PDE10A: variants seen among roughly 807,000 people sequenced by gnomAD.
PDE10A encodes the protein cAMP and cAMP-inhibited cGMP 3',5'-cyclic phosphodiesterase 10A.
A neutral mutation model predicts 97.7 loss-of-function variants in PDE10A; 39 were observed. That is an observed-to-expected ratio of 0.40 (90% CI 0.31 to 0.52). The LOEUF is 0.52. Ranked by LOEUF, PDE10A falls within the 20% of genes least tolerant of loss-of-function variation. PDE10A has a pLI of 0.56. For missense variants in PDE10A, 731 were observed against 1,047.8 expected (o/e 0.70, Z 4.17); for synonymous variants, 371 against 376.8 (o/e 0.98, Z 0.18).
At chr6:165,640,154 A>G (rs1789065271) in intron 1 of PDE10A, among the ~76,000 whole-genome samples, 1 of 152,124 alleles carries the variant, frequency 6.6e-6, no homozygotes, top group South Asian at 2.1e-4. Flanking sequence ...CCATTAGGGT[A>G]TAGGAAATGC....
In PDE10A at chr6:165,661,380, G is replaced by A. The variant is rs1206799456; in HGVS notation, c.865+567C>T. The A allele has an allele frequency of 1.3e-5, 2 of 152,340 alleles. No homozygotes were observed. Among genetic ancestry groups the A allele is most frequent in the African/African-American group, 4.8e-5 (2 of 41,436 alleles). 9.4% of individuals were successfully genotyped at this position (152,340 alleles called of 1,614,324 possible). On this transcript the variant is annotated intron_variant, in intron 1 of 21. Coordinates refer to ENST00000539869, the MANE Select transcript of PDE10A (RefSeq NM_001385079.1). This position sits in a 1 kb window ranked among gnomAD's most constrained non-coding sequence, Gnocchi z 4.8. ...CACCCCGCCAGTCCATGCTCTGGAT[G>A]CCGGTCACTGCGCGGGGTGGGAGGC... is the stretch of plus-strand genomic sequence containing the variant.
intron 2 of PDE10A, among the ~76,000 whole-genome samples, chr6:165,484,891 CCCA>C: frequency 6.6e-6 from 1 of 152,168 alleles, no homozygotes; most frequent in Non-Finnish European, 1.5e-5. Flanking sequence ...TTTTGGGAAG[CCCA>C]CAAGCCAACC....
At chr6:165,861,866 C>G (rs1402003335) in intron 1 of PDE10A, among the ~76,000 whole-genome samples, 1 of 152,160 alleles carries the variant, frequency 6.6e-6, no homozygotes, top group Non-Finnish European at 1.5e-5. Flanking sequence ...CAGTTGCACA[C>G]CTCAAATAGA....
intron 3 of PDE10A, among the ~76,000 whole-genome samples, chr6:165,480,936 T>C (rs948272960): frequency 4.6e-5 from 7 of 152,232 alleles, no homozygotes; most frequent in Non-Finnish European, 7.3e-5. Flanking sequence ...CTCATACCTT[T>C]AGTATTTCTC....
intron 1 of PDE10A, among the ~76,000 whole-genome samples, chr6:165,681,987 G>A (rs1182141015): frequency 6.6e-6 from 1 of 152,188 alleles, no homozygotes; most frequent in African/African-American, 2.4e-5. Flanking sequence ...AAATTTTGTT[G>A]ACTATATTTC....
At chr6:165,719,468 A>G (rs1792109847) in intron 1 of PDE10A, among the ~76,000 whole-genome samples, 1 of 152,272 alleles carries the variant, frequency 6.6e-6, no homozygotes, top group African/African-American at 2.4e-5. Context: ...CAAATGAAAT[A>G]TGATTTTCAC....
chr6:165,954,616 C>T (rs894135330), intron 1 of PDE10A, among the ~76,000 whole-genome samples: 1 of 152,168 alleles, frequency 6.6e-6, no homozygotes, highest in African/African-American at 2.4e-5. Flanking sequence ...TCTCCGTCCT[C>T]CCTCCTCACC....
At chr6:165,670,307 C>A (rs1790611406) in intron 1 of PDE10A, among the ~76,000 whole-genome samples, 1 of 152,194 alleles carries the variant, frequency 6.6e-6, no homozygotes, top group Non-Finnish European at 1.5e-5. Context: ...CACCTCTTAA[C>A]ACGAGTCACA....
At chr6:165,339,485 C>A in intron 19 of PDE10A, 127 bp from the exon 20 acceptor site, 1 of 649,514 alleles carries the variant, frequency 1.5e-6, no homozygotes. Context: ...GGTTGTTAAC[C>A]CAAGAAAAGT....
intron 16 of PDE10A, among the ~76,000 whole-genome samples, chr6:165,389,048 G>C (rs1785496196): frequency 6.6e-6 from 1 of 152,192 alleles, no homozygotes. Flanking sequence ...AGAGCGGCAA[G>C]CGCAGTGTGG....
chr6:165,333,347 T>C (rs1386059779), intron 21 of PDE10A, among the ~76,000 whole-genome samples: 2 of 152,122 alleles, frequency 1.3e-5, no homozygotes, highest in East Asian at 3.9e-4. Context: ...CCTTGGTCCA[T>C]CCGCTCTGGA....
chr6:165,688,427 A>G (rs1791182365), intron 1 of PDE10A, among the ~76,000 whole-genome samples: 1 of 152,194 alleles, frequency 6.6e-6, no homozygotes, highest in Non-Finnish European at 1.5e-5. Flanking sequence ...TTCGTGGTAT[A>G]ATTGACGAAG....
At chr6:165,335,433 C>A (rs1004270645) in intron 21 of PDE10A, among the ~76,000 whole-genome samples, 3 of 152,142 alleles carry the variant, frequency 2.0e-5, no homozygotes, top group Admixed American at 2.0e-4. Context: ...ATAAAAACTT[C>A]TTCCTCCTTT....
chr6:165,974,614 C>T (rs1784795882), intron 1 of PDE10A, among the ~76,000 whole-genome samples: 1 of 152,174 alleles, frequency 6.6e-6, no homozygotes, highest in Admixed American at 6.5e-5. Context: ...AGTGCAGAAC[C>T]TGATGGACAT....
At chr6:165,339,085 C>A (rs1408768148) in intron 20 of PDE10A, among the ~76,000 whole-genome samples, 193 bp downstream of exon 20, 1 of 152,174 alleles carries the variant, frequency 6.6e-6, no homozygotes, top group Non-Finnish European at 1.5e-5. Flanking sequence ...TCAGGGTAAA[C>A]AGTTTTTCTT....
intron 1 of PDE10A, among the ~76,000 whole-genome samples, chr6:165,584,311 T>C (rs1323473244): frequency 6.6e-6 from 1 of 152,194 alleles, no homozygotes; most frequent in Non-Finnish European, 1.5e-5. Flanking sequence ...TGTTCCTTCC[T>C]TGTCCAGGCA....
rs1783139565 is a variant in PDE10A at position 165,931,680 on chromosome 6, T to A, written c.-615+55849A>T. The stretch of plus-strand genomic sequence containing the variant: ...ATATTTGTATTCCTTGTCTCATACC[T>A]CGGGGAGAAGCCAAGGTCTATGTGG... On this transcript the variant is annotated intron_variant, in intron 1 of 19. Coordinates refer to the PDE10A transcript ENST00000366882. Among the ~76,000 whole-genome samples the A allele has an allele frequency of 2.0e-5, 3 of 152,166 alleles. No homozygotes were observed. The South Asian group carries it at 6.2e-4, about 32-fold the overall frequency.
chr6:165,957,322 A>G (rs1015776229), intron 1 of PDE10A, among the ~76,000 whole-genome samples: 2 of 151,992 alleles, frequency 1.3e-5, no homozygotes, highest in Non-Finnish European at 2.9e-5. Context: ...CTCTACAAAA[A>G]TTTAAAAAAT....
chr6:165,574,069 T>G (rs935102897), intron 1 of PDE10A, among the ~76,000 whole-genome samples: 1 of 152,198 alleles, frequency 6.6e-6, no homozygotes, highest in Non-Finnish European at 1.5e-5. Context: ...TTTAGCAACT[T>G]ATTAACAAAA....
Sources: allele counts gnomAD v4.1 joint callset (sites outside exome capture counted in the v4.1 genomes callset), GRCh38; gene constraint gnomAD v4.1.1; non-coding constraint Gnocchi (gnomAD v3.1); transcripts MANE v1.5; gene names NCBI Gene and HGNC (gene_info 2026-07-23, HGNC 2026-07-21).